The following DPY30 variants were observed in gnomAD, a reference collection of about 807,000 sequenced individuals.
The protein encoded by DPY30 is dpy-30 histone methyltransferase complex regulatory subunit.
DPY30 carries 6 observed loss-of-function variants against 16.2 expected under a neutral mutation model. That is an observed-to-expected ratio of 0.37 (90% CI 0.20 to 0.73). The LOEUF (loss-of-function observed/expected upper bound fraction) is 0.73, where lower values mean the gene tolerates loss of function less well. DPY30 is among the 30% of genes least tolerant of loss of function. DPY30 has a pLI of 0.51. For missense variants in DPY30, 73 were observed against 113.1 expected, an observed-to-expected ratio of 0.65 and a Z score of 1.61; for synonymous variants, 39 against 38.8, an observed-to-expected ratio of 1.00 and a Z score of -0.02.
Position 32,024,036 on chromosome 2 carries a change from T to C in DPY30, c.*148A>G, listed in dbSNP as rs995640022. The C allele has an allele frequency of 5.4e-6, 8 of 1,487,040 alleles. No homozygotes were observed. The highest frequency in any genetic ancestry group is 1.3e-5 in the South Asian group (1 of 75,370). The allele number at this position is 1,487,040 out of a possible 1,614,324, so 92.1% of individuals were successfully genotyped here. A position where few individuals can be genotyped will look rare whatever the true frequency, so the allele number is the denominator to read the frequency against. ...TGATTAAATCAAAATAAGGGAAATA[T>C]GTTATCTTCTGCAATTCCAGAAATA... On this transcript the variant is annotated 3_prime_UTR_variant, in exon 5 of 5. Transcript: ENST00000342166.
At chr2:32,039,575 C>T (rs1163004016) in intron 1 of DPY30, 83 bp from the exon 2 acceptor site, 2 of 1,386,232 alleles carry the variant, frequency 1.4e-6, no homozygotes, top group Non-Finnish European at 9.9e-7. Context: ...AGCCCCCGAC[C>T]CCGCCCCTCA....
At chr2:32,021,859 G>C (rs944241591), downstream of DPY30, among the ~76,000 whole-genome samples, 5 of 152,104 alleles carry the variant, frequency 3.3e-5, no homozygotes, top group Admixed American at 6.5e-5. Context: ...CCCCCAAGTA[G>C]CTCTGATGAG....
chr2:32,014,806 A>T (rs1020401540), intron 5 of DPY30, among the ~76,000 whole-genome samples: 1 of 152,062 alleles, frequency 6.6e-6, no homozygotes, highest in Admixed American at 6.6e-5. Context: ...TAAAAAAAAA[A>T]AGAAGAATGA....
intron 3 of DPY30, among the ~76,000 whole-genome samples, chr2:32,033,566 G>T (rs1022079604): frequency 6.6e-6 from 1 of 152,120 alleles, no homozygotes; most frequent in Non-Finnish European, 1.5e-5. Flanking sequence ...CAGCTACTCG[G>T]GAGGCTAAGG....
chr2:32,033,309 A>G (rs1425801475), intron 3 of DPY30, among the ~76,000 whole-genome samples: 5 of 151,730 alleles, frequency 3.3e-5, no homozygotes, highest in Admixed American at 6.6e-5. Context: ...CTCTGTCTCA[A>G]AAAAAGAAAA....
downstream of DPY30, among the ~76,000 whole-genome samples, chr2:32,020,086 G>C (rs1675148081): frequency 1.3e-5 from 2 of 151,886 alleles, no homozygotes; most frequent in Admixed American, 6.6e-5. Context: ...GGGCGTGGTG[G>C]TGTGTGCCTG....
intron 5 of DPY30, among the ~76,000 whole-genome samples, chr2:32,014,262 CA>C (rs1419449918): frequency 2.6e-5 from 4 of 152,060 alleles, no homozygotes; most frequent in African/African-American, 9.6e-5. Flanking sequence ...GCAGGAGGAT[CA>C]CTTGAGGCCA....
At chr2:32,020,083 G>T (rs1011629642), downstream of DPY30, among the ~76,000 whole-genome samples, 1 of 151,890 alleles carries the variant, frequency 6.6e-6, no homozygotes, top group African/African-American at 2.4e-5. Flanking sequence ...GCCGGGCGTG[G>T]TGGTGTGTGC....
At chr2:32,027,593 T>C (rs1044870634) in intron 4 of DPY30, among the ~76,000 whole-genome samples, 3 of 148,694 alleles carry the variant, frequency 2.0e-5, no homozygotes, top group African/African-American at 7.4e-5. Context: ...AACAATCGAG[T>C]TAACTCACTA....
At chr2:32,034,757 G>A (rs1050471877) in intron 3 of DPY30, among the ~76,000 whole-genome samples, 1 of 152,154 alleles carries the variant, frequency 6.6e-6, no homozygotes, top group African/African-American at 2.4e-5. Context: ...CCAGCACTTT[G>A]GGAGGTCAAG....
At chr2:32,021,641 T>C (rs1675183313), downstream of DPY30, among the ~76,000 whole-genome samples, 1 of 149,488 alleles carries the variant, frequency 6.7e-6, no homozygotes, top group African/African-American at 2.5e-5. Flanking sequence ...ATTGCGCCAC[T>C]GCACTCCAGC....
intron 3 of DPY30, among the ~76,000 whole-genome samples, chr2:32,032,911 G>T (rs528571446): frequency 2.1e-4 from 32 of 151,950 alleles, no homozygotes; most frequent in African/African-American, 7.2e-4. Flanking sequence ...CAGGAGAATT[G>T]CTTGAACCCT....
In DPY30 at chr2:32,013,792, G is replaced by A. The variant is rs192632767; in HGVS notation, n.378-1740C>T. Among the ~76,000 whole-genome samples, 1,474 of 151,666 alleles carry A rather than the reference G, an allele frequency of 9.7e-3. 26 individuals are homozygous for A. The highest frequency in any genetic ancestry group is 0.048 in the South Asian group (231 of 4,786). On this transcript the variant is annotated intron_variant and non_coding_transcript_variant, in intron 5 of 5. Coordinates refer to the DPY30 transcript ENST00000414013. ...TGGGAGGCCAAGGCGGGCGGATCAC[G>A]TGGCCAAGAGTTTGAGACCAGCCTG...
chr2:32,024,937 CA>C (rs1675275390), intron 4 of DPY30, among the ~76,000 whole-genome samples: 1 of 152,144 alleles, frequency 6.6e-6, no homozygotes, highest in Non-Finnish European at 1.5e-5. Context: ...TTGATATTAA[CA>C]CTTCTATATA....
At chr2:32,013,965 G>A (rs1675016160) in intron 5 of DPY30, among the ~76,000 whole-genome samples, 1 of 151,790 alleles carries the variant, frequency 6.6e-6, no homozygotes, top group Non-Finnish European at 1.5e-5. Context: ...CCGAGATCAT[G>A]CCATTGCACT....
intron 3 of DPY30, among the ~76,000 whole-genome samples, chr2:32,038,409 AGG>A (rs70964748): frequency 0.021 from 730 of 34,350 alleles, 21 homozygotes; most frequent in African/African-American, 0.063. Flanking sequence ...CCTTATTTTG[AGG>A]GGGGGGGGGG....
intron 3 of DPY30, among the ~76,000 whole-genome samples, chr2:32,030,972 C>A (rs1485502955): frequency 6.6e-6 from 1 of 152,048 alleles, no homozygotes; most frequent in East Asian, 1.9e-4. Flanking sequence ...ACAATAATTA[C>A]AATTAAAAAT....
rs555292211 is a variant in DPY30, at chr2:32,036,515, C to CA, written c.84+2763dup. On this transcript the variant is annotated intron_variant, in intron 3 of 4. Coordinates refer to ENST00000342166, the MANE Select transcript of DPY30 (RefSeq NM_001321209.2). ...TGAAACCCCGTCTCTACTAAAAATA[C>CA]AAAAAAATTAGCCGGGCATGGTGGC... Among the ~76,000 whole-genome samples, 25 of 151,850 alleles carry CA rather than the reference C, an allele frequency of 1.6e-4. No individual in the cohort carries two copies. In the East Asian group the frequency reaches 4.9e-3, roughly 30 times the overall value.
chr2:32,019,466 A>AT (rs1553386349), downstream of DPY30, among the ~76,000 whole-genome samples: 1 of 152,148 alleles, frequency 6.6e-6, no homozygotes, highest in Non-Finnish European at 1.5e-5. Flanking sequence ...AGTCAAGATC[A>AT]TATCACTGCA....
Sources: gnomAD v4.1 joint callset for allele counts (sites outside exome capture counted in the v4.1 genomes callset) on GRCh38, gnomAD v4.1.1 for gene constraint, MANE v1.5 for transcripts, NCBI Gene and HGNC (gene_info 2026-07-23, HGNC 2026-07-21) for gene names.